Variants in MITF observed in about 807,000 individuals in gnomAD.
MITF encodes melanocyte inducing transcription factor.
A neutral mutation model predicts 60.5 loss-of-function variants in MITF; 17 were observed. The observed-to-expected ratio is 0.28, with a 90% CI of 0.19 to 0.42. The LOEUF is 0.42. Ranked by LOEUF, MITF falls within the 10% of genes least tolerant of loss-of-function variation. The pLI is 1.00. For missense variants in MITF, 622 were observed against 683.5 expected (o/e 0.91, Z 1.00); for synonymous variants, 260 against 248.5 (o/e 1.05, Z -0.43).
intron 9 of MITF, 40 bp from the exon 10 acceptor site, chr3:69,964,807 C>T: frequency 6.2e-7 from 1 of 1,603,092 alleles, no homozygotes. Context: ...GTCCTCTGTG[C>T]TCTGCCTATT....
chr3:69,741,006 A>C (rs6549250), intron 1 of MITF, among the ~76,000 whole-genome samples: 108,832 of 152,116 alleles, frequency 0.72, 39,209 homozygotes, highest in African/African-American at 0.79. Flanking sequence ...CTCTTTATCC[A>C]AGTTGGGGAA....
intron 1 of MITF, among the ~76,000 whole-genome samples, chr3:69,740,223 A>G (rs1316570734): frequency 6.6e-6 from 1 of 152,058 alleles, no homozygotes; most frequent in Non-Finnish European, 1.5e-5. Context: ...TGGGGAAACT[A>G]GCCTCTGGGC....
chr3:69,801,281 T>C (rs1251937433), intron 1 of MITF, among the ~76,000 whole-genome samples: 2 of 152,132 alleles, frequency 1.3e-5, no homozygotes, highest in Non-Finnish European at 2.9e-5. Flanking sequence ...TCTCCTCCCA[T>C]TCATTAGATG....
chr3:69,914,632 A>G (rs566361191), intron 2 of MITF, among the ~76,000 whole-genome samples: 43 of 152,226 alleles, frequency 2.8e-4, no homozygotes, highest in African/African-American at 1.0e-3. Flanking sequence ...CCCCTGGAGC[A>G]CTGGGCTGAT....
At chr3:69,832,939 C>T (rs560275246) in intron 1 of MITF, among the ~76,000 whole-genome samples, 2 of 151,412 alleles carry the variant, frequency 1.3e-5, no homozygotes, top group African/African-American at 4.8e-5. Context: ...CCTGGTTAGA[C>T]TGTATGTAGT....
At chr3:69,830,140 G>A (rs2063421600) in intron 1 of MITF, among the ~76,000 whole-genome samples, 1 of 152,132 alleles carries the variant, frequency 6.6e-6, no homozygotes, top group Non-Finnish European at 1.5e-5. Flanking sequence ...CTTTTCTGGG[G>A]TGAGGTTCCC....
intron 2 of MITF, among the ~76,000 whole-genome samples, chr3:69,897,640 C>G (rs893354415): frequency 6.6e-6 from 1 of 152,060 alleles, no homozygotes; most frequent in African/African-American, 2.4e-5. Flanking sequence ...AATAATTATC[C>G]TCTGGACATT....
chr3:69,940,287 A>G (rs2065939411), intron 4 of MITF, among the ~76,000 whole-genome samples: 1 of 152,142 alleles, frequency 6.6e-6, no homozygotes, highest in African/African-American at 2.4e-5. Flanking sequence ...GTGGCAAGAG[A>G]CAGAAGAGCA....
chr3:69,918,597 G>C (rs1396167240), intron 2 of MITF, among the ~76,000 whole-genome samples: 1 of 152,104 alleles, frequency 6.6e-6, no homozygotes, highest in Non-Finnish European at 1.5e-5. Flanking sequence ...AGCACATCAG[G>C]GTTCAGATCT....
At chr3:69,789,889 C>G (rs111393052) in intron 1 of MITF, among the ~76,000 whole-genome samples, 1,671 of 151,934 alleles carry the variant, frequency 0.011, 39 homozygotes, top group African/African-American at 0.038. Context: ...TCATGTGATC[C>G]AGTAATCCCA....
intron 2 of MITF, among the ~76,000 whole-genome samples, chr3:69,915,600 T>C (rs752152423): frequency 1.7e-4 from 26 of 152,210 alleles, no homozygotes; most frequent in Non-Finnish European, 3.2e-4. Flanking sequence ...TCAGAGTTTT[T>C]AATAGCTAGC....
At chr3:69,870,422 G>A (rs1163429428) in intron 1 of MITF, among the ~76,000 whole-genome samples, 1 of 146,898 alleles carries the variant, frequency 6.8e-6, no homozygotes, top group African/African-American at 2.5e-5. Flanking sequence ...ATATATGTGT[G>A]TGTATATATA....
At chr3:69,919,825 T>TC (rs1220150147) in intron 2 of MITF, among the ~76,000 whole-genome samples, 11 of 151,796 alleles carry the variant, frequency 7.2e-5, no homozygotes, top group Admixed American at 4.6e-4. Flanking sequence ...GGGTTTTTTT[T>TC]TGTTGCTGTT....
At chr3:69,792,332 G>T (rs1466519402) in intron 1 of MITF, among the ~76,000 whole-genome samples, 1 of 152,074 alleles carries the variant, frequency 6.6e-6, no homozygotes, top group African/African-American at 2.4e-5. Flanking sequence ...GTAAAAATAG[G>T]AACAACAGAT....
At chr3:69,815,546 C>T (rs2063168371) in intron 1 of MITF, among the ~76,000 whole-genome samples, 1 of 151,984 alleles carries the variant, frequency 6.6e-6, no homozygotes, top group Non-Finnish European at 1.5e-5. Flanking sequence ...CTCCGGCTTA[C>T]TTTATTGTAA....
chr3:69,816,284 G>A (rs2063180484), intron 1 of MITF, among the ~76,000 whole-genome samples: 1 of 152,124 alleles, frequency 6.6e-6, no homozygotes, highest in African/African-American at 2.4e-5. Context: ...CTCCCCAAAT[G>A]TAAACCGTTT....
chr3:69,800,516 C>A (rs1252612975), intron 1 of MITF, among the ~76,000 whole-genome samples: 1 of 152,108 alleles, frequency 6.6e-6, no homozygotes, highest in Non-Finnish European at 1.5e-5. Flanking sequence ...TATGTTTAAT[C>A]TTTTAAGGAG....
chr3:69,868,482 A>G (rs566265808), intron 1 of MITF, among the ~76,000 whole-genome samples: 7 of 152,066 alleles, frequency 4.6e-5, no homozygotes, highest in South Asian at 2.1e-4. Context: ...GGTTTCTCCT[A>G]TCCCTAGATT....
rs2107053272 is a variant in MITF, at chr3:69,822,112, G to A, written c.105-57022G>A. The stretch of plus-strand genomic sequence containing the variant: ...GCTCTTATCTTCTGAGTTTATAGAT[G>A]ATATTTTACAACAAAGGTCTACAAA... On this transcript the variant is annotated intron_variant, in intron 1 of 9. Transcript: ENST00000352241. 2.0e-5 allele frequency among the ~76,000 whole-genome samples: 3 copies of A among 152,262 alleles called. 1 individual carries two copies.
Sources: allele counts gnomAD v4.1 joint callset (sites outside exome capture counted in the v4.1 genomes callset), GRCh38; gene constraint gnomAD v4.1.1; transcripts MANE v1.5; gene names NCBI Gene and HGNC (gene_info 2026-07-23, HGNC 2026-07-21).